Variants in DAGLA observed in about 807,000 individuals in gnomAD.
DAGLA encodes the protein diacylglycerol lipase alpha.
DAGLA carries 22 observed loss-of-function variants against 102.6 expected under a neutral mutation model. The ratio of observed to expected loss-of-function variants is 0.21; its 90% CI spans 0.15 to 0.31. DAGLA has a LOEUF of 0.31. Ranked by LOEUF, DAGLA falls within the 10% of genes least tolerant of loss-of-function variation. The probability of loss-of-function intolerance (pLI) is 1.00; values close to 1 mark genes in which losing one functional copy is unlikely to be tolerated. For synonymous variants in DAGLA, 578 were observed against 628.9 expected (o/e 0.92, Z 1.21); for missense variants, 927 against 1,446.6 (o/e 0.64, Z 5.83).
intron 3 of DAGLA, among the ~76,000 whole-genome samples, 174 bp from the exon 4 acceptor site, chr11:61,722,685 G>A (rs1250914536): frequency 2.0e-5 from 3 of 152,138 alleles, no homozygotes; most frequent in South Asian, 2.1e-4. Flanking sequence ...GTGACAGGAC[G>A]GGCTTGGGGC....
In DAGLA at chr11:61,745,752, A is replaced by G. The variant is rs1035659234; in HGVS notation, c.*1263A>G. 1.3e-5 allele frequency: 2 copies of G among 152,328 alleles called. No homozygotes were observed. Among genetic ancestry groups the G allele is most frequent in the African/African-American group, 4.8e-5 (2 of 41,414 alleles). 9.4% of individuals were successfully genotyped at this position (152,328 alleles called of 1,614,324 possible). Reference sequence around the variant, plus strand: ...TGCATGCTAGTGTTGGCGCGTATGCATGTGCATGAGTGTGCACCGTTCCTA... The same window carrying G: ...TGCATGCTAGTGTTGGCGCGTATGCGTGTGCATGAGTGTGCACCGTTCCTA... On this transcript the variant is annotated 3_prime_UTR_variant, in exon 20 of 20. Coordinates refer to ENST00000257215, the MANE Select transcript of DAGLA (RefSeq NM_006133.3).
Position 61,739,541 on chromosome 11 carries a change from C to T in DAGLA, c.1733C>T (p.Ala578Val), listed in dbSNP as rs143436889. 11 of 1,614,042 alleles carry T rather than the reference C, an allele frequency of 6.8e-6. No individual in the cohort carries two copies. Among genetic ancestry groups the T allele is most frequent in the African/African-American group, 1.3e-5 (1 of 74,944 alleles). ...LPEEVEVTTL[A>V]STRLWTHPSD... The stretch of plus-strand genomic sequence containing the variant: ...GAGGAGGTAGAGGTGACCACCCTGG[C>T]CAGCACGCGGCTCTGGACCCACCCC... Residue 578 changes from alanine to valine, a missense_variant, in exon 17 of 20, where the codon GCC (alanine) becomes GTC (valine). By Grantham distance (64) the Ala-to-Val change is moderately conservative (BLOSUM62 0). Around this residue, in one of 4 missense-constraint regions of DAGLA, gnomAD observed 218 missense variants for 459.6 expected, o/e 0.47. Transcript: ENST00000257215.
chr11:61,728,586 C>T (rs963145746), intron 7 of DAGLA, among the ~76,000 whole-genome samples: 41 of 152,200 alleles, frequency 2.7e-4, no homozygotes, highest in African/African-American at 9.4e-4. Context: ...GGTGAGCTCC[C>T]GAGTCGGTCT....
chr11:61,739,408 C>T (rs1455540613), intron 16 of DAGLA, 57 bp from the exon 17 acceptor site: 56 of 1,439,260 alleles, frequency 3.9e-5, no homozygotes, highest in Admixed American at 1.4e-4. Context: ...CCTGCCCCTG[C>T]CCCCCAGCCA....
Position 61,745,844 on chromosome 11 carries a change from A to C in DAGLA, c.*1355A>C, listed in dbSNP as rs1367258377. 1 of 152,866 alleles carries C rather than the reference A, an allele frequency of 6.5e-6. No homozygotes were observed. Among genetic ancestry groups the C allele is most frequent in the Non-Finnish European group, 1.5e-5 (1 of 68,490 alleles). 9.5% of individuals were successfully genotyped at this position (152,866 alleles called of 1,614,324 possible). On this transcript the variant is annotated 3_prime_UTR_variant, in exon 20 of 20. Coordinates refer to ENST00000257215, the MANE Select transcript of DAGLA (RefSeq NM_006133.3). ...TGCCTGCTGCCCCTCCCAGCCTGCCAAGAAAACGGTAGGGGAGCATGATGG... is the reference window on the plus strand; with the variant it reads ...TGCCTGCTGCCCCTCCCAGCCTGCCCAGAAAACGGTAGGGGAGCATGATGG...
At chr11:61,697,405 G>A (rs780005628) in intron 1 of DAGLA, among the ~76,000 whole-genome samples, 10 of 152,232 alleles carry the variant, frequency 6.6e-5, no homozygotes, top group Middle Eastern at 3.4e-3. Flanking sequence ...GAAATGCATC[G>A]CTCTGCTTGG....
Position 61,736,123 on chromosome 11 carries a change from C to T in DAGLA, c.1291-147C>T, listed in dbSNP as rs1313747014. ...TGTGAAATGGAAGTGACAGGATCAG[C>T]GTGTCTGCCAGCCCCCACAGCTGGG... On this transcript the variant is annotated intron_variant, in intron 12 of 19. Coordinates refer to ENST00000257215, the MANE Select transcript of DAGLA (RefSeq NM_006133.3). 1.4e-4 allele frequency: 97 copies of T among 669,636 alleles called. 1 individual carries two copies. In the East Asian group the frequency reaches 2.4e-3, roughly 17 times the overall value. The allele number at this position is 669,636 out of a possible 1,614,324, so 41.5% of individuals were successfully genotyped here.
chr11:61,705,029 C>A (rs2065138298), intron 1 of DAGLA, among the ~76,000 whole-genome samples: 1 of 152,090 alleles, frequency 6.6e-6, no homozygotes, highest in African/African-American at 2.4e-5. Flanking sequence ...CTGGGCTGAG[C>A]TGAGACTGGG....
At chr11:61,718,725 G>T (rs930865592) in intron 1 of DAGLA, among the ~76,000 whole-genome samples, 9 of 152,100 alleles carry the variant, frequency 5.9e-5, no homozygotes, top group African/African-American at 2.2e-4. Context: ...TCCTGAGGGT[G>T]GGGGGAGGAG....
intron 4 of DAGLA, 132 bp downstream of exon 4, chr11:61,723,092 G>A (rs1180309215): frequency 1.3e-6 from 1 of 768,794 alleles, no homozygotes; most frequent in African/African-American, 1.7e-5. Flanking sequence ...CAGGTTGGCT[G>A]GGCGAGACTG....
At position 61,741,100 on chromosome 11, in the gene DAGLA, C is replaced by T. The variant is rs2065474607; in HGVS notation, c.1984-62C>T. On this transcript the variant is annotated intron_variant, in intron 18 of 19. Transcript: ENST00000257215. ...AGAGGCCTGGGCCCTGGCTCCACAT[C>T]GGCCCCACGATGGGGCCTGATGTCC... 6.8e-6 allele frequency: 10 copies of T among 1,464,474 alleles called. No individual in the cohort carries two copies. In the East Asian group the frequency reaches 9.1e-5, roughly 13 times the overall value. 90.7% of individuals were successfully genotyped at this position (1,464,474 alleles called of 1,614,324 possible).
chr11:61,711,425 G>A (rs531095322), intron 1 of DAGLA, among the ~76,000 whole-genome samples: 34 of 152,222 alleles, frequency 2.2e-4, no homozygotes, highest in Non-Finnish European at 3.1e-4. Flanking sequence ...GAGCCTGGGG[G>A]ACTCCTTCCA....
chr11:61,741,470 G>A, intron 19 of DAGLA, 121 bp downstream of exon 19: 1 of 1,124,268 alleles, frequency 8.9e-7, no homozygotes, highest in Non-Finnish European at 1.2e-6. Context: ...CACAGGAGGG[G>A]TCAAACTCAC....
chr11:61,708,304 G>A (rs1421967130), intron 1 of DAGLA, among the ~76,000 whole-genome samples: 3 of 148,610 alleles, frequency 2.0e-5, no homozygotes, highest in East Asian at 2.1e-4. Flanking sequence ...CACCGCGCCC[G>A]ACTTGGGGGT....
chr11:61,710,535 G>A (rs1809484426), intron 1 of DAGLA, among the ~76,000 whole-genome samples: 1 of 152,110 alleles, frequency 6.6e-6, no homozygotes, highest in South Asian at 2.1e-4. Context: ...GCTGTCCCAG[G>A]GGTGTTGGGT....
At position 61,684,937 on chromosome 11, in the gene DAGLA, A is replaced by T. The variant is rs1457816342; in HGVS notation, c.-45+4433A>T. ...CATACCTCATGTTATGACTCTTTAC[A>T]TGAGGAGCCGAGTGCTTTCTCAGTA... is the stretch of plus-strand genomic sequence containing the variant. On this transcript the variant is annotated intron_variant, in intron 1 of 19. Coordinates refer to ENST00000257215, the MANE Select transcript of DAGLA (RefSeq NM_006133.3). This position sits in a 1 kb window ranked among gnomAD's most constrained non-coding sequence, Gnocchi z 4.5. Among the ~76,000 whole-genome samples the T allele has an allele frequency of 6.6e-6, 1 of 152,042 alleles. No homozygotes were observed. Among genetic ancestry groups the T allele is most frequent in the Non-Finnish European group, 1.5e-5 (1 of 67,992 alleles).
chr11:61,711,281 CAG>C (rs2065192496), intron 1 of DAGLA, among the ~76,000 whole-genome samples: 1 of 152,214 alleles, frequency 6.6e-6, no homozygotes, highest in African/African-American at 2.4e-5. Flanking sequence ...GCACCCATCA[CAG>C]AGGCCAGCAG....
Position 61,720,200 on chromosome 11 carries a change from T to C in DAGLA, c.45T>C (p.Ser15=). The C allele has an allele frequency of 6.2e-7, 1 of 1,613,848 alleles. No homozygotes were observed. The highest frequency in any genetic ancestry group is 1.1e-5 in the South Asian group (1 of 91,080). ...TCCGGCGGCGCTGGTCTGTGGGCAG[T>C]GATGACCTCGTCCTACCGGCCATCT... ...VVFRRRWSVG[S]DDLVLPAIFL... is the part of the protein sequence containing the mutation. The change falls in exon 2 of 20, where the codon AGT becomes AGC. Residue 15 remains serine, a synonymous_variant. Transcript: ENST00000257215.
In DAGLA at chr11:61,728,592, G is replaced by A. The variant is rs141172232; in HGVS notation, c.771+305G>A. 9.6e-3 allele frequency among the ~76,000 whole-genome samples: 1,462 copies of A among 152,256 alleles called. 31 individuals are homozygous for A. The highest frequency in any genetic ancestry group is 0.031 in the South Asian group (150 of 4,814). On this transcript the variant is annotated intron_variant, in intron 7 of 19. Transcript: ENST00000257215. ...AGTGGACGTGGTGAGCTCCCGAGTC[G>A]GTCTTCTGCGTGGCCGCTCCGCCCA...
Sources: allele counts gnomAD v4.1 joint callset (sites outside exome capture counted in the v4.1 genomes callset), GRCh38; gene constraint gnomAD v4.1.1; regional missense constraint gnomAD v4.1.1; non-coding constraint Gnocchi (gnomAD v3.1); transcripts MANE v1.5; gene names NCBI Gene and HGNC (gene_info 2026-07-23, HGNC 2026-07-21).